The following NUP88 variants were observed in gnomAD, a reference collection of about 807,000 sequenced individuals.
NUP88 encodes nuclear pore complex protein Nup88.
In NUP88, 57 loss-of-function variants were observed where a neutral mutation model predicts 93.9. The ratio of observed to expected loss-of-function variants is 0.61; its 90% CI spans 0.49 to 0.76. The LOEUF (loss-of-function observed/expected upper bound fraction) is 0.76. NUP88 is among the 30% of genes least tolerant of loss of function. NUP88 has a pLI of 0.00. For missense variants in NUP88, 911 were observed against 901.0 expected (o/e 1.01, Z -0.14); for synonymous variants, 346 against 336.8 (o/e 1.03, Z -0.30).
intron 13 of NUP88, 34 bp downstream of exon 13, chr17:5,387,571 G>T: frequency 6.3e-7 from 1 of 1,598,118 alleles, no homozygotes; most frequent in South Asian, 1.1e-5. Flanking sequence ...CAGTCTTACT[G>T]ACCTATTGTA....
chr17:5,405,070 T>C lies in NUP88; in HGVS notation c.1031A>G (p.Glu344Gly), dbSNP rs1378469346. 1.2e-6 allele frequency: 2 copies of C among 1,613,892 alleles called. No homozygotes were observed. The highest frequency in any genetic ancestry group is 1.7e-5 in the Admixed American group (1 of 59,986). ...YHCVVLEGEE[E>G]DDHTSEKSWD... ...GCCTGCACTTACCGTGTGGTCATCT[T>C]CTTCTTCCCCTTCTAGCACGACACA... The change falls in exon 6 of 17, where the codon GAA becomes GGA. Residue 344 changes from glutamate to glycine, a missense_variant. Transcript: ENST00000573584.
intron 8 of NUP88, among the ~76,000 whole-genome samples, chr17:5,397,801 TC>T (rs1174531999): frequency 6.6e-6 from 1 of 152,202 alleles, no homozygotes; most frequent in Non-Finnish European, 1.5e-5. Flanking sequence ...GAAGTTCCTT[TC>T]TATTAAGTTT....
At chr17:5,401,992 T>C (rs1454482243) in intron 7 of NUP88, among the ~76,000 whole-genome samples, 1 of 152,160 alleles carries the variant, frequency 6.6e-6, no homozygotes, top group Non-Finnish European at 1.5e-5. Flanking sequence ...ATTTCTTAGT[T>C]TCACATATGA....
At chr17:5,389,078 A>C in intron 10 of NUP88, 118 bp from the exon 11 acceptor site, 1 of 756,112 alleles carries the variant, frequency 1.3e-6, no homozygotes, top group Non-Finnish European at 2.0e-6. Flanking sequence ...AACTTTTGTA[A>C]AAGTGCAAGA....
rs1053803282 is a variant in NUP88, at chr17:5,406,791, G to A, written c.858-1548C>T. On this transcript the variant is annotated intron_variant, in intron 5 of 16. Transcript: ENST00000573584. The stretch of plus-strand genomic sequence containing the variant: ...AAAAAAAAGAAAAGAAAAGAAAATC[G>A]CAAACAAATATCATAATGTTCTAAG... Among the ~76,000 whole-genome samples, 51 of 151,168 alleles carry A rather than the reference G, an allele frequency of 3.4e-4. 1 individual carries two copies. Among genetic ancestry groups the A allele is most frequent in the African/African-American group, 6.6e-4 (27 of 41,206 alleles).
chr17:5,404,979 A>C (rs988025714), intron 6 of NUP88, 78 bp downstream of exon 6: 32 of 1,202,624 alleles, frequency 2.7e-5, no homozygotes, highest in Non-Finnish European at 3.2e-5. Context: ...ATTCCTTCTC[A>C]TATATTAAGC....
At chr17:5,391,801 G>A (rs1301704583) in intron 9 of NUP88, 139 bp from the exon 10 acceptor site, 7 of 649,520 alleles carry the variant, frequency 1.1e-5, no homozygotes, top group Non-Finnish European at 1.9e-5. Context: ...AACCTCAAAA[G>A]TGGTGGCTTG....
At position 5,410,776 on chromosome 17, in the gene NUP88, G is replaced by C; in HGVS notation, c.607C>G (p.Arg203Gly). 1 of 1,608,972 alleles carries C rather than the reference G, an allele frequency of 6.2e-7. No individual in the cohort carries two copies. The highest frequency in any genetic ancestry group is 8.5e-7 in the Non-Finnish European group (1 of 1,176,890). The stretch of plus-strand genomic sequence containing the variant: ...ACGTTAGTGGGTGTCTGCGGCTCAC[G>C]TAGTGAGTAAATTCTAGCAACCAAA... ...SDNVIRIYSL[R>G]EPQTPTNVII... Residue 203 changes from arginine (R) to glycine (G), a missense_variant, in exon 4 of 17, where the codon CGT becomes GGT. Arg to Gly is a moderately radical substitution (Grantham distance 125). Coordinates refer to ENST00000573584, the MANE Select transcript of NUP88 (RefSeq NM_002532.6).
chr17:5,416,818 C>A, intron 1 of NUP88, 136 bp from the exon 2 acceptor site: 3 of 657,580 alleles, frequency 4.6e-6, no homozygotes, highest in Admixed American at 3.9e-5. Context: ...CACACTTGTA[C>A]CATTAACTCA....
intron 8 of NUP88, among the ~76,000 whole-genome samples, chr17:5,397,980 T>C: frequency 6.7e-6 from 1 of 148,164 alleles, no homozygotes; most frequent in Non-Finnish European, 1.5e-5. Context: ...TCGACTCGAA[T>C]ACAGCAGTCT....
rs143215578 is a variant in NUP88, at chr17:5,387,056, A to G, written c.1971T>C (p.Ser657=). ...FHSELPVLSD[S]ERDMKKELQL... ...GTAATTCTTTCTTCATGTCTCGCTC[A>G]CTATCAGAGAGAACTGGGAGCTCAG... is the stretch of plus-strand genomic sequence containing the variant. Residue 657 remains serine, a synonymous_variant, in exon 15 of 17, where the codon AGT becomes AGC. Transcript: ENST00000573584. 4 of 1,614,084 alleles carry G rather than the reference A, an allele frequency of 2.5e-6. No individual in the cohort carries two copies. The highest frequency in any genetic ancestry group is 1.7e-5 in the Admixed American group (1 of 60,022).
chr17:5,417,967 C>G (rs1257679643), intron 1 of NUP88: 2 of 151,992 alleles, frequency 1.3e-5, no homozygotes, highest in East Asian at 3.9e-4. Context: ...TGGCGAAACC[C>G]CGTCTCTACT....
chr17:5,402,457 C>T (rs1246585891), intron 7 of NUP88, among the ~76,000 whole-genome samples: 2 of 152,232 alleles, frequency 1.3e-5, no homozygotes, highest in Non-Finnish European at 2.9e-5. Context: ...GTTTCCTCAT[C>T]TATAAAATTC....
At chr17:5,392,531 A>C (rs1912505100) in intron 9 of NUP88, among the ~76,000 whole-genome samples, 1 of 151,288 alleles carries the variant, frequency 6.6e-6, no homozygotes, top group African/African-American at 2.4e-5. Context: ...TTAACTTTTT[A>C]TTATCAGTGT....
intron 6 of NUP88, 84 bp downstream of exon 6, chr17:5,404,973 C>A (rs2151642687): frequency 8.8e-6 from 10 of 1,140,028 alleles, no homozygotes; most frequent in South Asian, 3.8e-5. Flanking sequence ...GTTAAAATTC[C>A]TTCTCATATA....
chr17:5,416,012 G>C (rs1380970990), intron 2 of NUP88, among the ~76,000 whole-genome samples: 1 of 151,552 alleles, frequency 6.6e-6, no homozygotes, highest in African/African-American at 2.4e-5. Context: ...GGGCATGGTA[G>C]CGCTTGCCTG....
chr17:5,395,163 A>G (rs1444746631), intron 8 of NUP88, among the ~76,000 whole-genome samples, 182 bp from the exon 9 acceptor site: 1 of 152,206 alleles, frequency 6.6e-6, no homozygotes, highest in Non-Finnish European at 1.5e-5. Context: ...CCCAAGAAGT[A>G]GGATTTTCCT....
intron 12 of NUP88, 37 bp from the exon 13 acceptor site, chr17:5,387,707 C>T (rs1053700387): frequency 1.9e-6 from 3 of 1,607,956 alleles, no homozygotes; most frequent in African/African-American, 1.3e-5. Context: ...TATTCAGAAG[C>T]CAGGTCTAGG....
rs372826283 is a variant in NUP88 at position 5,419,627 on chromosome 17, C to T, written c.24G>A (p.Val8=). ...AGGTCTGCCACAGCTCGCCGTCGCC[C>T]ACCGGTCCCTCGGCGGCCGCCATCT... is the stretch of plus-strand genomic sequence containing the variant. The part of the protein sequence containing the change: MAAAEGP[V]GDGELWQTWL... Residue 8 remains valine, a synonymous_variant, in exon 1 of 17, where the codon GTG becomes GTA. Coordinates refer to ENST00000573584, the MANE Select transcript of NUP88 (RefSeq NM_002532.6). 1.0e-5 allele frequency: 16 copies of T among 1,594,430 alleles called. No individual in the cohort carries two copies. The African/African-American group carries it at 2.1e-4, about 21-fold the overall frequency.
Sources: allele counts gnomAD v4.1 joint callset (sites outside exome capture counted in the v4.1 genomes callset), GRCh38; gene constraint gnomAD v4.1.1; transcripts MANE v1.5; gene names NCBI Gene and HGNC (gene_info 2026-07-23, HGNC 2026-07-21).